HNRNPC: variants seen among roughly 807,000 people sequenced by gnomAD.
HNRNPC encodes heterogeneous nuclear ribonucleoprotein C, also known as heterogeneous nuclear ribonucleoproteins C1/C2.
In HNRNPC, 3 loss-of-function variants were observed where a neutral mutation model predicts 33.2. The observed-to-expected ratio is 0.09, with a 90% CI of 0.04 to 0.23. The LOEUF (loss-of-function observed/expected upper bound fraction) is 0.23. HNRNPC is among the 10% of genes least tolerant of loss of function. HNRNPC has a pLI of 1.00. For synonymous variants in HNRNPC, 121 were observed against 126.7 expected (o/e 0.96, Z 0.30); for missense variants, 143 against 366.7 (o/e 0.39, Z 4.98).
chr14:21,215,416 T>G (rs996150690), intron 5 of HNRNPC, among the ~76,000 whole-genome samples: 3 of 152,226 alleles, frequency 2.0e-5, no homozygotes, highest in Admixed American at 2.0e-4. Flanking sequence ...ATACAATAGA[T>G]GAGGCAACAA....
chr14:21,258,131 G>A (rs1348735931), intron 2 of HNRNPC, among the ~76,000 whole-genome samples: 2 of 152,058 alleles, frequency 1.3e-5, no homozygotes, highest in Admixed American at 6.6e-5. Flanking sequence ...AGTGGCTCAC[G>A]CCTGTAATCC....
chr14:21,223,791 C>T (rs988700154), intron 5 of HNRNPC, among the ~76,000 whole-genome samples: 8 of 152,024 alleles, frequency 5.3e-5, no homozygotes, highest in African/African-American at 1.9e-4. Flanking sequence ...CTGATTTGTT[C>T]CAAAAGTGTA....
intron 5 of HNRNPC, among the ~76,000 whole-genome samples, chr14:21,216,120 CAAAAAAAAAAA>C (rs370660995): frequency 1.1e-5 from 1 of 87,848 alleles, no homozygotes; most frequent in Non-Finnish European, 2.2e-5. Flanking sequence ...CCTCCACCAC[CAAAAAAAAAAA>C]AAAAAAAAAA....
At chr14:21,222,663 C>T (rs535931895) in intron 5 of HNRNPC, among the ~76,000 whole-genome samples, 1 of 152,126 alleles carries the variant, frequency 6.6e-6, no homozygotes, top group Admixed American at 6.5e-5. Flanking sequence ...GAGGCCGAGG[C>T]AGGCAGATCA....
Position 21,211,580 on chromosome 14 carries a change from G to C in HNRNPC, c.638-14C>G. The C allele has an allele frequency of 2.5e-6, 4 of 1,599,034 alleles. No individual in the cohort carries two copies. Among genetic ancestry groups the C allele is most frequent in the Non-Finnish European group, 3.4e-6 (4 of 1,171,830 alleles). ...TCTTCATCTCTACTGCGGATGAGAA[G>C]GACAAGTCTGTCTAGGGGCAGTAAT... On this transcript the variant is annotated splice_polypyrimidine_tract_variant and intron_variant, in intron 7 of 8. Coordinates refer to ENST00000553300, the MANE Select transcript of HNRNPC (RefSeq NM_004500.4).
rs1163175609 is a variant in HNRNPC, at chr14:21,247,875, T to A, written c.-36-13646A>T. 5.4e-5 allele frequency among the ~76,000 whole-genome samples: 8 copies of A among 149,364 alleles called. No individual in the cohort carries two copies. In the East Asian group the frequency reaches 1.6e-3, roughly 29 times the overall value. On this transcript the variant is annotated intron_variant, in intron 2 of 8. Transcript: ENST00000553300. ...GGTGGCAAGCGCCAGTAATGCCAGC[T>A]ACTTGGGAGGCCGAGGCATGAGAAA...
At chr14:21,211,672 C>G (rs2139442850) in intron 7 of HNRNPC, 106 bp from the exon 8 acceptor site, 1 of 1,438,294 alleles carries the variant, frequency 7.0e-7, no homozygotes, top group South Asian at 1.3e-5. Flanking sequence ...AATCCTCCCA[C>G]ACAAATACCC....
chr14:21,232,656 C>A (rs1335268847), intron 3 of HNRNPC, among the ~76,000 whole-genome samples: 1 of 152,228 alleles, frequency 6.6e-6, no homozygotes, highest in African/African-American at 2.4e-5. Flanking sequence ...CATGAGCCAC[C>A]GAACCTGGCC....
At chr14:21,246,012 C>T (rs973029854) in intron 2 of HNRNPC, among the ~76,000 whole-genome samples, 4 of 151,894 alleles carry the variant, frequency 2.6e-5, no homozygotes, top group South Asian at 2.1e-4. Flanking sequence ...CGCCTGACTA[C>T]GGGGTTTGAC....
intron 5 of HNRNPC, among the ~76,000 whole-genome samples, chr14:21,225,572 C>T (rs932241315): frequency 4.6e-5 from 7 of 152,178 alleles, no homozygotes; most frequent in East Asian, 1.9e-4. Context: ...CATCCTCAGG[C>T]GTAAGAGTTA....
At chr14:21,211,788 G>A (rs1171242026) in intron 7 of HNRNPC, 22 bp downstream of exon 7, 2 of 1,591,914 alleles carry the variant, frequency 1.3e-6, no homozygotes, top group African/African-American at 1.3e-5. Flanking sequence ...GTATACCAAG[G>A]GCAAGCAGAA....
intron 1 of HNRNPC, chr14:21,263,812 G>A (rs1878561969): frequency 6.6e-6 from 1 of 152,166 alleles, no homozygotes; most frequent in South Asian, 2.1e-4. Flanking sequence ...GAGTAGGGAT[G>A]GGGTTCGCCT....
At chr14:21,225,448 A>C (rs1236617204) in intron 5 of HNRNPC, among the ~76,000 whole-genome samples, 1 of 151,916 alleles carries the variant, frequency 6.6e-6, no homozygotes, top group Non-Finnish European at 1.5e-5. Flanking sequence ...AGGAAAAAAA[A>C]AAACAGAGAG....
In HNRNPC at chr14:21,237,811, G is replaced by T. The variant is rs1323064898; in HGVS notation, c.-36-3582C>A. 3.9e-5 allele frequency among the ~76,000 whole-genome samples: 6 copies of T among 151,924 alleles called. 1 individual carries two copies. The highest frequency in any genetic ancestry group is 2.0e-4 in the Admixed American group (3 of 15,240). On this transcript the variant is annotated intron_variant, in intron 2 of 8. Coordinates refer to ENST00000553300, the MANE Select transcript of HNRNPC (RefSeq NM_004500.4). ...TTTTTGAGTTGGAGTTTCACTCGTT[G>T]CCAAGGATGGAGTGCAATGGAGCAA...
chr14:21,235,267 A>T (rs1894564490), intron 2 of HNRNPC, among the ~76,000 whole-genome samples: 1 of 152,134 alleles, frequency 6.6e-6, no homozygotes, highest in Admixed American at 6.5e-5. Context: ...TTTCCCCTTC[A>T]TCCCTTTGAA....
chr14:21,214,569 C>T (rs1207794556), intron 5 of HNRNPC, among the ~76,000 whole-genome samples: 1 of 151,910 alleles, frequency 6.6e-6, no homozygotes, highest in Non-Finnish European at 1.5e-5. Flanking sequence ...AACAGAGCAA[C>T]ACTGTCTCAA....
intron 2 of HNRNPC, among the ~76,000 whole-genome samples, chr14:21,259,896 A>AC (rs1555360664): frequency 1.3e-5 from 2 of 150,584 alleles, no homozygotes; most frequent in African/African-American, 4.9e-5. Context: ...AAAAAAAAAA[A>AC]ACAATAAAAA....
At chr14:21,248,910 G>A (rs1896301534) in intron 2 of HNRNPC, among the ~76,000 whole-genome samples, 1 of 148,364 alleles carries the variant, frequency 6.7e-6, no homozygotes, top group Non-Finnish European at 1.5e-5. Context: ...TAAAAAAGGA[G>A]AAAACAAGTG....
rs1566603124 is a variant in HNRNPC at position 21,222,066 on chromosome 14, A to AAAAAAAAAAAAG, written c.365+8252_365+8253insCTTTTTTTTTTT. ...AAAAAAAAAAAAAAAAAAAAAAAAA[A>AAAAAAAAAAAAG]GCTGAAAAACACATGAAAAGACATT... On this transcript the variant is annotated intron_variant, in intron 5 of 8. Coordinates refer to ENST00000553300, the MANE Select transcript of HNRNPC (RefSeq NM_004500.4). Among the ~76,000 whole-genome samples the AAAAAAAAAAAAG allele has an allele frequency of 1.6e-5, 2 of 125,682 alleles. 1 individual carries two copies. The highest frequency in any genetic ancestry group is 5.9e-5 in the African/African-American group (2 of 34,040). The allele number at this position is 125,682 out of a possible 152,430, so 82.5% of individuals were successfully genotyped here.
Sources: gnomAD v4.1 joint callset for allele counts (sites outside exome capture counted in the v4.1 genomes callset) on GRCh38, gnomAD v4.1.1 for gene constraint, MANE v1.5 for transcripts, NCBI Gene and HGNC (gene_info 2026-07-23, HGNC 2026-07-21) for gene names.